The following PPP1R12B variants were observed in gnomAD, a reference collection of about 807,000 sequenced individuals.
PPP1R12B encodes the protein protein phosphatase 1 regulatory subunit 12B, also known as myosin phosphatase target subunit 2.
A neutral mutation model predicts 126.1 loss-of-function variants in PPP1R12B; 76 were observed. The ratio of observed to expected loss-of-function variants is 0.60; its 90% CI spans 0.50 to 0.73. PPP1R12B has a LOEUF of 0.73. Among genes scored for constraint, PPP1R12B ranks in the 30% least tolerant of loss-of-function variants. The pLI is 0.00. For synonymous variants in PPP1R12B, 356 were observed against 434.7 expected, an observed-to-expected ratio of 0.82 and a Z score of 2.25; for missense variants, 1,052 against 1,205.1, an observed-to-expected ratio of 0.87 and a Z score of 1.88.
chr1:202,562,974 G>A, intron 20 of PPP1R12B, 52 bp downstream of exon 20: 2 of 1,491,194 alleles, frequency 1.3e-6, no homozygotes, highest in Non-Finnish European at 1.8e-6. Context: ...AAACCTCTCA[G>A]CCTTCCTCCA....
chr1:202,409,253 C>G (rs1667066255), intron 1 of PPP1R12B, among the ~76,000 whole-genome samples: 1 of 151,636 alleles, frequency 6.6e-6, no homozygotes, highest in Non-Finnish European at 1.5e-5. Flanking sequence ...AACTTCCATA[C>G]TGTTTTCCAT....
chr1:202,382,042 G>C (rs915848292), intron 1 of PPP1R12B, among the ~76,000 whole-genome samples: 2 of 152,040 alleles, frequency 1.3e-5, no homozygotes, highest in African/African-American at 2.4e-5. Flanking sequence ...AACAATGATA[G>C]ACTGGATTAA....
chr1:202,437,844 G>A lies in PPP1R12B; in HGVS notation c.1278G>A (p.Lys426=). The change falls in exon 10 of 24, where the codon AAG becomes AAA. Residue 426 remains lysine (K), a synonymous_variant. Coordinates refer to ENST00000608999, the MANE Select transcript of PPP1R12B (RefSeq NM_002481.4). Reference sequence around the variant, plus strand: ...AGTTCTCTTCTGGCCTTTTTAACAAGCCAGAAGAGCCCAAAGATGAATCTC... The same window carrying A: ...AGTTCTCTTCTGGCCTTTTTAACAAACCAGAAGAGCCCAAAGATGAATCTC... The part of the protein sequence containing the change: ...ARRFSSGLFN[K]PEEPKDESPS... 6.2e-7 allele frequency: 1 copy of A among 1,613,294 alleles called. No homozygotes were observed. The highest frequency in any genetic ancestry group is 8.5e-7 in the Non-Finnish European group (1 of 1,179,382).
Position 202,513,390 on chromosome 1 carries a change from T to C in PPP1R12B, c.2490+16568T>C, listed in dbSNP as rs183499562. Among the ~76,000 whole-genome samples the C allele has an allele frequency of 2.5e-3, 383 of 152,308 alleles. 2 individuals carry two copies. The highest frequency in any genetic ancestry group is 8.9e-3 in the African/African-American group (371 of 41,564). ...TATTATGATGACTGCATAGATAATA[T>C]GCCATTAATAAGATTGAGAATTCAG... On this transcript the variant is annotated intron_variant, in intron 18 of 23. Transcript: ENST00000608999.
At chr1:202,570,638 A>G (rs564616824) in intron 23 of PPP1R12B, among the ~76,000 whole-genome samples, 1 of 152,308 alleles carries the variant, frequency 6.6e-6, no homozygotes, top group Non-Finnish European at 1.5e-5. Flanking sequence ...GCACCTTACT[A>G]CCACACAGAA....
At position 202,438,364 on chromosome 1, in the gene PPP1R12B, T is replaced by G. The variant is rs576433464; in HGVS notation, c.1458+340T>G. The G allele has an allele frequency of 2.0e-4, 175 of 862,274 alleles. No homozygotes were observed. The African/African-American group carries it at 2.2e-3, about 11-fold the overall frequency. The allele number at this position is 862,274 out of a possible 1,614,324, so 53.4% of individuals were successfully genotyped here. A position where few individuals can be genotyped will look rare whatever the true frequency, so the allele number is the denominator to read the frequency against. On this transcript the variant is annotated intron_variant, in intron 10 of 23. Coordinates refer to ENST00000608999, the MANE Select transcript of PPP1R12B (RefSeq NM_002481.4). The stretch of plus-strand genomic sequence containing the variant: ...CAGGACCCCAGGTAGGGGTCCTGGA[T>G]CCAGAGGGCCAATTCCCGTCCCCCC...
intron 13 of PPP1R12B, chr1:202,473,823 C>G (rs1676262737): frequency 2.1e-6 from 1 of 475,198 alleles, no homozygotes; most frequent in Admixed American, 2.3e-5. Context: ...GCAGTGCAAG[C>G]CTTTTCCAGT....
In PPP1R12B at chr1:202,353,599, T is replaced by TGTGTG. The variant is rs1272836438; in HGVS notation, c.291+4458_291+4462dup. 9.5e-5 allele frequency among the ~76,000 whole-genome samples: 12 copies of TGTGTG among 125,812 alleles called. No individual in the cohort carries two copies. In the East Asian group the frequency reaches 2.5e-3, roughly 26 times the overall value. The allele number at this position is 125,812 out of a possible 152,430, so 82.5% of individuals were successfully genotyped here. On this transcript the variant is annotated intron_variant, in intron 1 of 23. Transcript: ENST00000608999. ...TATTCTTCTTCTTTGTGTGTGTGTG[T>TGTGTG]GTGTGTGTGTGTGTGTGTGTGTGTG...
chr1:202,443,803 G>T (rs1271085848), intron 12 of PPP1R12B, among the ~76,000 whole-genome samples: 1 of 152,230 alleles, frequency 6.6e-6, no homozygotes, highest in Non-Finnish European at 1.5e-5. Context: ...CAGGCATGGA[G>T]TTATTCTGTG....
At chr1:202,349,213 A>G (rs1403362596) in intron 1 of PPP1R12B, 71 bp downstream of exon 1, 1 of 1,560,654 alleles carries the variant, frequency 6.4e-7, no homozygotes, top group South Asian at 1.2e-5. Flanking sequence ...GAGCCACCCC[A>G]TGGGGAGTAT....
intron 18 of PPP1R12B, among the ~76,000 whole-genome samples, chr1:202,551,317 T>G (rs1252390624): frequency 6.6e-6 from 1 of 152,242 alleles, no homozygotes; most frequent in Non-Finnish European, 1.5e-5. Flanking sequence ...ACATATGTGA[T>G]TTAATACTTG....
Position 202,348,844 on chromosome 1 carries a change from C to T in PPP1R12B, c.-8C>T, listed in dbSNP as rs752483833. 1 of 1,603,532 alleles carries T rather than the reference C, an allele frequency of 6.2e-7. No individual in the cohort carries two copies. The highest frequency in any genetic ancestry group is 1.7e-5 in the Admixed American group (1 of 57,558). On this transcript the variant is annotated 5_prime_UTR_variant, in exon 1 of 24. Coordinates refer to ENST00000608999, the MANE Select transcript of PPP1R12B (RefSeq NM_002481.4). ...GTAGTTTTGGCAGCAGCTGCCGAGG[C>T]CGGAGCAATGGCGGAACTGGAGCAC... is the stretch of plus-strand genomic sequence containing the variant.
intron 23 of PPP1R12B, among the ~76,000 whole-genome samples, chr1:202,570,957 G>A (rs1688535154): frequency 6.6e-6 from 1 of 152,158 alleles, no homozygotes; most frequent in Non-Finnish European, 1.5e-5. Context: ...ATTAAGAAAT[G>A]TCCTAAATGC....
intron 18 of PPP1R12B, among the ~76,000 whole-genome samples, chr1:202,532,497 C>G (rs540118081): frequency 1.3e-5 from 2 of 152,344 alleles, no homozygotes; most frequent in South Asian, 4.1e-4. Context: ...ATACCTTAGT[C>G]TACTATGTGT....
Position 202,428,711 on chromosome 1 carries a change from C to T in PPP1R12B, c.847-144C>T, listed in dbSNP as rs188309298. On this transcript the variant is annotated intron_variant, in intron 5 of 23. Transcript: ENST00000608999. ...CCTGTGTGATAGATGAAGGTGTTATCATAATGTATGGTAGATTAGTTTGAA... is the reference window on the plus strand; with the variant it reads ...CCTGTGTGATAGATGAAGGTGTTATTATAATGTATGGTAGATTAGTTTGAA... 1.5e-5 allele frequency: 10 copies of T among 656,740 alleles called. No individual in the cohort carries two copies. In the East Asian group the frequency reaches 2.6e-4, roughly 17 times the overall value. The allele number at this position is 656,740 out of a possible 1,614,324, so 40.7% of individuals were successfully genotyped here.
rs527599633 is a variant in PPP1R12B, at chr1:202,493,161, G to A, written c.1989G>A (p.Arg663=). 2.0e-5 allele frequency: 32 copies of A among 1,612,178 alleles called. No homozygotes were observed. The South Asian group carries it at 3.0e-4, about 15-fold the overall frequency. ...DLQEAERTFS[R]SRAERQAQEQ... is the part of the protein sequence containing the mutation. Reference sequence around the variant, plus strand: ...AAGAAGCAGAAAGGACATTCAGCCGGTCGAGGGCAGAGAGGCAAGCTCAGG... The same window carrying A: ...AAGAAGCAGAAAGGACATTCAGCCGATCGAGGGCAGAGAGGCAAGCTCAGG... The change falls in exon 15 of 24, where the codon CGG becomes CGA. Residue 663 remains arginine, a synonymous_variant. Transcript: ENST00000608999.
chr1:202,558,610 A>G (rs1687199551), intron 18 of PPP1R12B: 1 of 365,284 alleles, frequency 2.7e-6, no homozygotes, highest in Non-Finnish European at 4.9e-6. Flanking sequence ...ACATTTTGCT[A>G]ACTTCTAGTT....
chr1:202,497,029 T>C (rs1679647755), intron 18 of PPP1R12B, among the ~76,000 whole-genome samples: 1 of 152,208 alleles, frequency 6.6e-6, no homozygotes, highest in African/African-American at 2.4e-5. Context: ...TTGAAGCAGT[T>C]TCCTACATTT....
At chr1:202,427,663 G>A (rs1404481058) in intron 5 of PPP1R12B, among the ~76,000 whole-genome samples, 7 of 151,974 alleles carry the variant, frequency 4.6e-5, no homozygotes, top group Non-Finnish European at 8.8e-5. Flanking sequence ...TATTATTTTT[G>A]AGACAGAGTC....
Sources: allele counts gnomAD v4.1 joint callset (sites outside exome capture counted in the v4.1 genomes callset), GRCh38; gene constraint gnomAD v4.1.1; transcripts MANE v1.5; gene names NCBI Gene and HGNC (gene_info 2026-07-23, HGNC 2026-07-21).